SPINT2: variants seen among roughly 807,000 people sequenced by gnomAD.
SPINT2 encodes the protein serine peptidase inhibitor, Kunitz type 2.
A neutral mutation model predicts 30.1 loss-of-function variants in SPINT2; 18 were observed. The ratio of observed to expected loss-of-function variants is 0.60; its 90% CI spans 0.41 to 0.89. The LOEUF is 0.89. SPINT2 is among the 40% of genes least tolerant of loss of function. SPINT2 has a pLI of 0.00. For missense variants in SPINT2, 276 were observed against 334.3 expected (o/e 0.83, Z 1.36); for synonymous variants, 139 against 137.9 (o/e 1.01, Z -0.05).
At position 38,290,773 on chromosome 19, in the gene SPINT2, C is replaced by A; in HGVS notation, c.592+198C>A. 1.3e-6 allele frequency: 1 copy of A among 774,310 alleles called. No individual in the cohort carries two copies. Among genetic ancestry groups the A allele is most frequent in the African/African-American group, 1.7e-5 (1 of 58,714 alleles). The allele number at this position is 774,310 out of a possible 1,614,324, so 48.0% of individuals were successfully genotyped here. Reference sequence around the variant, plus strand: ...GTACACAGTTGGGGCTGGAGTGAGTCAGTCACAAGGCAGGCCCTGCCCAGG... The same window carrying A: ...GTACACAGTTGGGGCTGGAGTGAGTAAGTCACAAGGCAGGCCCTGCCCAGG... On this transcript the variant is annotated intron_variant, in intron 6 of 6. Transcript: ENST00000301244. This position sits in a 1 kb window ranked among gnomAD's most constrained non-coding sequence, Gnocchi z 4.3.
chr19:38,283,677 A>C lies in SPINT2; in HGVS notation c.157A>C (p.Arg53=). The change falls in exon 2 of 7, where the codon AGG becomes CGG. Residue 53 remains arginine, a synonymous_variant. Coordinates refer to ENST00000301244, the MANE Select transcript of SPINT2 (RefSeq NM_021102.4). The part of the protein sequence containing the change: ...VVGRCRASMP[R]WWYNVTDGSC... ...GGGCAGATGCCGGGCCTCCATGCCT[A>C]GGTGGTGGTACAATGTCACTGACGG... 6.2e-7 allele frequency: 1 copy of C among 1,614,090 alleles called. No individual in the cohort carries two copies. Among genetic ancestry groups the C allele is most frequent in the Non-Finnish European group, 8.5e-7 (1 of 1,180,026 alleles).
chr19:38,276,877 T>C (rs1002610290), intron 1 of SPINT2, among the ~76,000 whole-genome samples: 5 of 151,958 alleles, frequency 3.3e-5, no homozygotes, highest in African/African-American at 1.2e-4. Context: ...CTCGGCTCAC[T>C]GCAACCTCCA....
At chr19:38,279,637 T>A (rs1414527968) in intron 1 of SPINT2, among the ~76,000 whole-genome samples, 1 of 152,228 alleles carries the variant, frequency 6.6e-6, no homozygotes, top group Non-Finnish European at 1.5e-5. Flanking sequence ...TTTCTCTTAA[T>A]AAAGAGACTT....
intron 4 of SPINT2, chr19:38,289,670 T>G (rs1324372689): frequency 7.4e-6 from 2 of 271,270 alleles, no homozygotes; most frequent in Non-Finnish European, 1.4e-5. Flanking sequence ...AGGCCCCACG[T>G]GGATGCCGCC....
chr19:38,268,343 G>A (rs753058185), intron 1 of SPINT2, among the ~76,000 whole-genome samples: 23 of 152,268 alleles, frequency 1.5e-4, no homozygotes, highest in African/African-American at 2.4e-4. Flanking sequence ...GACAGTTACC[G>A]TCTGGAGTGG....
At chr19:38,285,432 C>T (rs1240945001) in intron 2 of SPINT2, among the ~76,000 whole-genome samples, 2 of 152,224 alleles carry the variant, frequency 1.3e-5, no homozygotes, top group African/African-American at 4.8e-5. Flanking sequence ...GCAACCTCCA[C>T]CTCCTGGGTT....
chr19:38,282,719 G>C (rs1376476837), intron 1 of SPINT2, among the ~76,000 whole-genome samples: 1 of 152,224 alleles, frequency 6.6e-6, no homozygotes, highest in Non-Finnish European at 1.5e-5. Context: ...GTGGTGCAGG[G>C]GTAGGACCTG....
rs1001207823 is a variant in SPINT2, at chr19:38,289,274, G to A, written c.391+83G>A. On this transcript the variant is annotated intron_variant, in intron 4 of 6. Transcript: ENST00000301244. ...GAGGCTGAGGTGGGCGGATCACGAG[G>A]TCAGGATATCAAGACCATCCTAACA... 5 of 1,190,888 alleles carry A rather than the reference G, an allele frequency of 4.2e-6. No homozygotes were observed. The Admixed American group carries it at 5.1e-5, about 12-fold the overall frequency. The allele number at this position is 1,190,888 out of a possible 1,614,324, so 73.8% of individuals were successfully genotyped here.
chr19:38,291,705 G>A (rs570001669), intron 6 of SPINT2, 135 bp from the exon 7 acceptor site: 2 of 1,086,364 alleles, frequency 1.8e-6, no homozygotes, highest in African/African-American at 3.2e-5. Flanking sequence ...TGCAGTTCTG[G>A]ACCCTGTCTG....
intron 3 of SPINT2, 66 bp from the exon 4 acceptor site, chr19:38,289,072 C>T: frequency 6.6e-7 from 1 of 1,514,432 alleles, no homozygotes; most frequent in Non-Finnish European, 9.2e-7. Context: ...CTTCCAGACC[C>T]AGACCCAGCT....
chr19:38,288,329 C>G (rs905736711), intron 3 of SPINT2: 2 of 361,428 alleles, frequency 5.5e-6, no homozygotes, highest in Non-Finnish European at 1.1e-5. Context: ...CTCCCTGTTG[C>G]CATCGCTGTC....
intron 3 of SPINT2, 178 bp downstream of exon 3, chr19:38,288,113 A>G: frequency 5.7e-6 from 4 of 699,128 alleles, no homozygotes; most frequent in Middle Eastern, 3.3e-4. Flanking sequence ...CTTATGGGGG[A>G]GTTTATACTG....
chr19:38,265,089 A>C, intron 1 of SPINT2, 91 bp downstream of exon 1: 5 of 967,208 alleles, frequency 5.2e-6, no homozygotes, highest in Non-Finnish European at 5.7e-6. Context: ...CTGGCGGGGG[A>C]GGAAACTGGG....
chr19:38,274,903 A>C (rs1968498750), intron 1 of SPINT2, among the ~76,000 whole-genome samples: 1 of 151,862 alleles, frequency 6.6e-6, no homozygotes, highest in Non-Finnish European at 1.5e-5. Context: ...CTGGATCTGC[A>C]GCCAGGGAGC....
intron 6 of SPINT2, chr19:38,291,634 C>T (rs181526424): frequency 3.5e-5 from 21 of 601,750 alleles, no homozygotes; most frequent in East Asian, 2.0e-4. Context: ...CATAGCATGG[C>T]GCCTCCTTTT....
intron 1 of SPINT2, among the ~76,000 whole-genome samples, chr19:38,279,526 G>A (rs1968556947): frequency 6.6e-6 from 1 of 152,074 alleles, no homozygotes; most frequent in African/African-American, 2.4e-5. Context: ...TAATTTTCAA[G>A]TATATACAAA....
chr19:38,285,677 T>C (rs1724602611), intron 2 of SPINT2, among the ~76,000 whole-genome samples: 1 of 152,184 alleles, frequency 6.6e-6, no homozygotes, highest in Non-Finnish European at 1.5e-5. Flanking sequence ...ACAATTACAC[T>C]GGCCTTTAAG....
chr19:38,267,626 CTAGG>C (rs1172555784), intron 1 of SPINT2, among the ~76,000 whole-genome samples: 2 of 142,292 alleles, frequency 1.4e-5, no homozygotes, highest in African/African-American at 5.2e-5. Context: ...TGAGACAGGT[CTAGG>C]TGTGACCCTG....
At chr19:38,271,560 A>G (rs1392524270) in intron 1 of SPINT2, among the ~76,000 whole-genome samples, 1 of 142,652 alleles carries the variant, frequency 7.0e-6, no homozygotes, top group Non-Finnish European at 1.5e-5. Flanking sequence ...TTGGCCGGGT[A>G]CAGTGGCTCA....
Sources: allele counts gnomAD v4.1 joint callset (sites outside exome capture counted in the v4.1 genomes callset), GRCh38; gene constraint gnomAD v4.1.1; non-coding constraint Gnocchi (gnomAD v3.1); transcripts MANE v1.5; gene names NCBI Gene and HGNC (gene_info 2026-07-23, HGNC 2026-07-21).